FAM135A: variants seen among roughly 807,000 people sequenced by gnomAD.
FAM135A encodes protein FAM135A.
FAM135A carries 79 observed loss-of-function variants against 146.8 expected under a neutral mutation model. The ratio of observed to expected loss-of-function variants is 0.54; its 90% CI spans 0.45 to 0.65. The LOEUF (loss-of-function observed/expected upper bound fraction) is 0.65. Among genes scored for constraint, FAM135A ranks in the 30% least tolerant of loss-of-function variants. FAM135A has a pLI of 0.00. For missense variants in FAM135A, 1,623 were observed against 1,758.2 expected, an observed-to-expected ratio of 0.92 and a Z score of 1.38; for synonymous variants, 562 against 603.6, an observed-to-expected ratio of 0.93 and a Z score of 1.01.
At chr6:70,477,668 T>C (rs1782883887) in intron 8 of FAM135A, among the ~76,000 whole-genome samples, 1 of 152,142 alleles carries the variant, frequency 6.6e-6, no homozygotes, top group South Asian at 2.1e-4. Context: ...AAACCATTCG[T>C]GAGAAATCTG....
At chr6:70,524,188 C>T in intron 14 of FAM135A, 67 bp downstream of exon 14, 1 of 1,459,204 alleles carries the variant, frequency 6.9e-7, no homozygotes, top group Non-Finnish European at 9.2e-7. Context: ...TCCTAATATA[C>T]ATAAAACCAT....
intron 10 of FAM135A, among the ~76,000 whole-genome samples, chr6:70,482,976 C>G (rs1197099577): frequency 1.5e-4 from 23 of 151,918 alleles, no homozygotes; most frequent in Non-Finnish European, 2.2e-4. Context: ...TTTATTGAAT[C>G]TGTATTCTTA....
chr6:70,447,702 ACT>A (rs1307945020), intron 4 of FAM135A, among the ~76,000 whole-genome samples: 1 of 152,174 alleles, frequency 6.6e-6, no homozygotes, highest in African/African-American at 2.4e-5. Context: ...CCATCGTGAC[ACT>A]GATTAGCCCA....
chr6:70,510,930 G>A (rs113181212), intron 12 of FAM135A, among the ~76,000 whole-genome samples: 20 of 152,104 alleles, frequency 1.3e-4, no homozygotes, highest in African/African-American at 4.8e-4. Flanking sequence ...ACAAACACTT[G>A]TTATATTCTG....
chr6:70,417,610 C>A, intron 2 of FAM135A: 5 of 985,126 alleles, frequency 5.1e-6, no homozygotes, highest in Non-Finnish European at 6.0e-6. Flanking sequence ...ATTGAAATAC[C>A]CTTGAAGTTG....
chr6:70,469,015 T>C (rs1781043520), intron 5 of FAM135A, among the ~76,000 whole-genome samples: 1 of 152,338 alleles, frequency 6.6e-6, no homozygotes. Flanking sequence ...GGCTTTTCTG[T>C]TTAAAATTAC....
intron 12 of FAM135A, chr6:70,503,198 A>G (rs1015852874): frequency 6.5e-6 from 1 of 154,890 alleles, no homozygotes; most frequent in African/African-American, 2.4e-5. Flanking sequence ...AGGAATGTGT[A>G]TTATTAACTT....
At position 70,524,029 on chromosome 6, in the gene FAM135A, C is replaced by G. The variant is rs1794174967; in HGVS notation, c.1166C>G (p.Pro389Arg). ...AATACTTCCTTCTGCAGTTCTCTTCCACCCTTACCTATTGAATGTAGTGAA... is the reference window on the plus strand; with the variant it reads ...AATACTTCCTTCTGCAGTTCTCTTCGACCCTTACCTATTGAATGTAGTGAA... Reference protein sequence around the residue: ...IKNTSFCSSLPPLPIECSELD... With the variant: ...IKNTSFCSSLRPLPIECSELD... The change falls in exon 14 of 22, where the codon CCA (proline) becomes CGA (arginine). Residue 389 changes from proline (P) to arginine (R), a missense_variant. Pro to Arg is a moderately radical substitution (Grantham distance 103). Transcript: ENST00000418814. 1 of 1,613,066 alleles carries G rather than the reference C, an allele frequency of 6.2e-7. No homozygotes were observed. The highest frequency in any genetic ancestry group is 8.5e-7 in the Non-Finnish European group (1 of 1,179,520).
intron 5 of FAM135A, among the ~76,000 whole-genome samples, chr6:70,456,590 T>C (rs893875849): frequency 1.3e-5 from 2 of 152,214 alleles, no homozygotes; most frequent in African/African-American, 4.8e-5. Context: ...TAAAATCTTA[T>C]TGGTTAGATT....
chr6:70,517,060 ATAAAT>A lies in FAM135A; in HGVS notation c.1030-5448_1030-5444del, dbSNP rs752371925. ...ATAACTGTGAATGTCTATTTTCTAA[ATAAAT>A]TAAAAGTACTTCTTTCTGGGAACAT... On this transcript the variant is annotated intron_variant, in intron 12 of 21. Coordinates refer to ENST00000418814, the MANE Select transcript of FAM135A (RefSeq NM_001162529.3). Among the ~76,000 whole-genome samples, 8 of 152,338 alleles carry A rather than the reference ATAAAT, an allele frequency of 5.3e-5. No individual in the cohort carries two copies. In the South Asian group the frequency reaches 6.2e-4, roughly 12 times the overall value.
chr6:70,502,460 T>TA (rs1382775989), intron 11 of FAM135A, among the ~76,000 whole-genome samples, 176 bp from the exon 12 acceptor site: 1 of 152,190 alleles, frequency 6.6e-6, no homozygotes, highest in Non-Finnish European at 1.5e-5. Context: ...ATCAGGTAAG[T>TA]AAAAAACCAT....
At chr6:70,539,297 A>AG (rs1562006720) in intron 20 of FAM135A, among the ~76,000 whole-genome samples, 5 of 152,066 alleles carry the variant, frequency 3.3e-5, no homozygotes, top group African/African-American at 1.2e-4. Flanking sequence ...AGTTTGGCAA[A>AG]CTTTTTTTTA....
At chr6:70,509,929 T>G (rs1790613481) in intron 12 of FAM135A, among the ~76,000 whole-genome samples, 1 of 152,174 alleles carries the variant, frequency 6.6e-6, no homozygotes. Flanking sequence ...ATACCGTTTA[T>G]TATGACGCTG....
intron 5 of FAM135A, among the ~76,000 whole-genome samples, chr6:70,467,268 G>T (rs1395240780): frequency 6.6e-6 from 1 of 151,722 alleles, no homozygotes; most frequent in African/African-American, 2.4e-5. Context: ...CAGCATTGCT[G>T]TTAAGAGTTC....
chr6:70,487,452 A>G (rs1216908154), intron 10 of FAM135A, among the ~76,000 whole-genome samples: 4 of 152,168 alleles, frequency 2.6e-5, no homozygotes, highest in Admixed American at 6.5e-5. Context: ...GTGAAATAAA[A>G]TAAGTATTTA....
At position 70,491,082 on chromosome 6, in the gene FAM135A, A is replaced by G; in HGVS notation, c.872A>G (p.Lys291Arg). 2 of 1,600,040 alleles carry G rather than the reference A, an allele frequency of 1.2e-6. No homozygotes were observed. The highest frequency in any genetic ancestry group is 1.7e-6 in the Non-Finnish European group (2 of 1,174,416). Reference sequence around the variant, plus strand: ...CTTACTGAACTATGTGAAGAAGTTAAGGTACTTGGATTTTTTAAATTCACA... The same window carrying G: ...CTTACTGAACTATGTGAAGAAGTTAGGGTACTTGGATTTTTTAAATTCACA... ...ARLTELCEEV[K>R]KIENPDELAE... The change falls in exon 11 of 22, where the codon AAG becomes AGG. Residue 291 changes from lysine to arginine, a missense_variant and splice_region_variant. Physicochemically the swap from Lys to Arg is conservative, Grantham distance 26. Coordinates refer to ENST00000418814, the MANE Select transcript of FAM135A (RefSeq NM_001162529.3).
intron 4 of FAM135A, among the ~76,000 whole-genome samples, chr6:70,437,319 A>C (rs1465365850): frequency 6.6e-6 from 1 of 152,130 alleles, no homozygotes; most frequent in Non-Finnish European, 1.5e-5. Flanking sequence ...TCTTCATATT[A>C]ATAAAGACCT....
intron 20 of FAM135A, among the ~76,000 whole-genome samples, chr6:70,552,908 C>G (rs1800109513): frequency 6.6e-6 from 1 of 152,068 alleles, no homozygotes; most frequent in South Asian, 2.1e-4. Context: ...CTGTTGTTAG[C>G]CAGCATATTT....
intron 8 of FAM135A, among the ~76,000 whole-genome samples, chr6:70,477,989 A>G (rs1490733112): frequency 2.0e-5 from 3 of 152,102 alleles, no homozygotes; most frequent in Admixed American, 6.6e-5. Context: ...GTTTTGTGCA[A>G]TGTTAAACTA....
Sources: allele counts gnomAD v4.1 joint callset (sites outside exome capture counted in the v4.1 genomes callset), GRCh38; gene constraint gnomAD v4.1.1; transcripts MANE v1.5; gene names NCBI Gene and HGNC (gene_info 2026-07-23, HGNC 2026-07-21).